Variants in FHIT observed in about 807,000 individuals in gnomAD.
FHIT encodes the protein bis(5'-adenosyl)-triphosphatase.
A neutral mutation model predicts 17.9 loss-of-function variants in FHIT; 19 were observed. The observed-to-expected ratio is 1.06, with a 90% confidence interval of 0.74 to 1.56. The LOEUF (loss-of-function observed/expected upper bound fraction) is 1.56. FHIT is among the 40% of genes most tolerant of loss of function. FHIT has a pLI of 0.00. For synonymous variants in FHIT, 81 were observed against 69.7 expected, an observed-to-expected ratio of 1.16 and a Z score of -0.81; for missense variants, 248 against 189.2, an observed-to-expected ratio of 1.31 and a Z score of -1.82.
intron 7 of FHIT, among the ~76,000 whole-genome samples, chr3:59,964,845 A>G (rs1053814538): frequency 1.3e-5 from 2 of 152,178 alleles, no homozygotes; most frequent in African/African-American, 4.8e-5. Context: ...AAAACAAATC[A>G]ATATAATGCC....
chr3:59,908,345 G>A (rs1704682385), intron 8 of FHIT, among the ~76,000 whole-genome samples: 1 of 152,230 alleles, frequency 6.6e-6, no homozygotes, highest in African/African-American at 2.4e-5. Flanking sequence ...GCAGGTCTTA[G>A]CAAAGTATGT....
rs147268124 is a variant in FHIT, at chr3:60,385,380, C to T, written c.103+151480G>A. 9.7e-3 allele frequency among the ~76,000 whole-genome samples: 1,475 copies of T among 152,218 alleles called. 28 individuals are homozygous for T. Among genetic ancestry groups the T allele is most frequent in the African/African-American group, 0.034 (1,410 of 41,518 alleles). On this transcript the variant is annotated intron_variant, in intron 5 of 9. Transcript: ENST00000492590. ...TACAACTGTTAAGTGTACAAATATA[C>T]ATCAGGTGCAGGAAATCAAAAGCAG...
chr3:60,941,848 T>C (rs1268504766), intron 3 of FHIT, among the ~76,000 whole-genome samples: 2 of 152,220 alleles, frequency 1.3e-5, no homozygotes, highest in Non-Finnish European at 2.9e-5. Context: ...GGATAATTTC[T>C]ACCCATTGAG....
At chr3:60,843,412 TATAA>T (rs1702806960) in intron 3 of FHIT, among the ~76,000 whole-genome samples, 1 of 152,222 alleles carries the variant, frequency 6.6e-6, no homozygotes, top group Non-Finnish European at 1.5e-5. Context: ...CTTCCACCAC[TATAA>T]ATAGTTTCTT....
chr3:60,999,549 T>C (rs906146228), intron 3 of FHIT, among the ~76,000 whole-genome samples: 1 of 151,524 alleles, frequency 6.6e-6, no homozygotes, highest in Non-Finnish European at 1.5e-5. Context: ...ATGATCTCCT[T>C]ACAATGAACA....
chr3:59,999,504 A>G (rs956368885), intron 7 of FHIT, among the ~76,000 whole-genome samples: 1 of 152,186 alleles, frequency 6.6e-6, no homozygotes, highest in African/African-American at 2.4e-5. Context: ...TCAAACTGCC[A>G]GTTAAGCATA....
chr3:61,206,768 G>C (rs927096277), intron 1 of FHIT, among the ~76,000 whole-genome samples: 2 of 151,878 alleles, frequency 1.3e-5, no homozygotes, highest in Non-Finnish European at 2.9e-5. Context: ...CTGCAAACAG[G>C]GACAATTTGA....
At chr3:59,772,726 T>C (rs1702128441) in intron 8 of FHIT, among the ~76,000 whole-genome samples, 1 of 151,922 alleles carries the variant, frequency 6.6e-6, no homozygotes, top group Non-Finnish European at 1.5e-5. Flanking sequence ...TTAGTGGAGT[T>C]TGGAGGTGTG....
chr3:61,113,689 A>C (rs2036222530), intron 2 of FHIT, among the ~76,000 whole-genome samples: 1 of 152,300 alleles, frequency 6.6e-6, no homozygotes, highest in Admixed American at 6.5e-5. Flanking sequence ...GAACTGTAAG[A>C]GTCACTAGAG....
intron 5 of FHIT, among the ~76,000 whole-genome samples, chr3:60,383,252 G>T (rs1356490400): frequency 1.3e-5 from 2 of 152,176 alleles, no homozygotes; most frequent in Non-Finnish European, 2.9e-5. Flanking sequence ...GTGACCACTG[G>T]GTGAGATCTC....
chr3:60,711,657 C>G (rs2041536230), intron 4 of FHIT, among the ~76,000 whole-genome samples: 1 of 152,046 alleles, frequency 6.6e-6, no homozygotes, highest in Admixed American at 6.6e-5. Context: ...ATGTGATCAA[C>G]TGGAAGAAAG....
chr3:60,581,210 G>A (rs891719821), intron 4 of FHIT, among the ~76,000 whole-genome samples: 8 of 152,224 alleles, frequency 5.3e-5, no homozygotes, highest in South Asian at 2.1e-4. Flanking sequence ...CATTAAATAC[G>A]TAATTCTCAT....
intron 4 of FHIT, among the ~76,000 whole-genome samples, chr3:60,605,335 T>C (rs1036230451): frequency 3.9e-5 from 6 of 152,206 alleles, no homozygotes; most frequent in Non-Finnish European, 7.3e-5. Context: ...TAACTACTCA[T>C]GGCTCAGCTC....
intron 4 of FHIT, among the ~76,000 whole-genome samples, chr3:60,591,080 A>G (rs542307963): frequency 6.6e-6 from 1 of 152,274 alleles, no homozygotes; most frequent in East Asian, 1.9e-4. Flanking sequence ...GAATATGTTC[A>G]GCTCTCATGT....
intron 4 of FHIT, among the ~76,000 whole-genome samples, chr3:60,550,774 T>A (rs2036520141): frequency 6.6e-6 from 1 of 152,214 alleles, no homozygotes; most frequent in Non-Finnish European, 1.5e-5. Flanking sequence ...TATTATATAC[T>A]TGCCATATTC....
intron 1 of FHIT, among the ~76,000 whole-genome samples, chr3:61,218,796 C>T (rs894046880): frequency 6.6e-6 from 1 of 152,130 alleles, no homozygotes; most frequent in African/African-American, 2.4e-5. Context: ...TTTTCTCACC[C>T]TAATTAGAAT....
intron 5 of FHIT, among the ~76,000 whole-genome samples, chr3:60,062,908 A>G (rs1407139097): frequency 6.6e-6 from 1 of 152,176 alleles, no homozygotes; most frequent in Non-Finnish European, 1.5e-5. Flanking sequence ...AGAAAAAGGC[A>G]AACCTTCTTT....
At chr3:60,308,272 A>G (rs1196307323) in intron 5 of FHIT, among the ~76,000 whole-genome samples, 2 of 152,106 alleles carry the variant, frequency 1.3e-5, no homozygotes, top group Non-Finnish European at 2.9e-5. Context: ...TGCCTTACAG[A>G]AAAGTCATCT....
intron 8 of FHIT, among the ~76,000 whole-genome samples, chr3:59,857,711 T>C (rs908436359): frequency 6.7e-6 from 1 of 149,194 alleles, no homozygotes; most frequent in Non-Finnish European, 1.5e-5. Context: ...CTGGGTTTTT[T>C]TTTTTTTTTT....
Sources: allele counts gnomAD v4.1 joint callset (sites outside exome capture counted in the v4.1 genomes callset), GRCh38; gene constraint gnomAD v4.1.1; transcripts MANE v1.5; gene names NCBI Gene and HGNC (gene_info 2026-07-23, HGNC 2026-07-21).